NCALD: variants seen among roughly 807,000 people sequenced by gnomAD.
NCALD encodes the protein neurocalcin delta.
NCALD carries 10 observed loss-of-function variants against 18.6 expected under a neutral mutation model. The ratio of observed to expected loss-of-function variants is 0.54; its 90% confidence interval spans 0.33 to 0.91. The LOEUF is 0.91. NCALD is among the 40% of genes least tolerant of loss of function. NCALD has a pLI of 0.03. For missense variants in NCALD, 184 were observed against 247.6 expected, an observed-to-expected ratio of 0.74 and a Z score of 1.72; for synonymous variants, 88 against 87.4, an observed-to-expected ratio of 1.01 and a Z score of -0.04.
chr8:101,732,484 C>T (rs938675136), intron 1 of NCALD, among the ~76,000 whole-genome samples: 1 of 151,764 alleles, frequency 6.6e-6, no homozygotes, highest in South Asian at 2.1e-4. Context: ...TCTACAGCTT[C>T]CTGGTTTAGA....
chr8:102,118,773 C>A (rs1053233606), intron 1 of NCALD, among the ~76,000 whole-genome samples: 1 of 151,946 alleles, frequency 6.6e-6, no homozygotes, highest in Admixed American at 6.6e-5. Context: ...ACCTTCCGAT[C>A]ATGCCATTAT....
chr8:102,064,384 A>G (rs1823938801), intron 1 of NCALD, among the ~76,000 whole-genome samples: 1 of 152,178 alleles, frequency 6.6e-6, no homozygotes, highest in African/African-American at 2.4e-5. Flanking sequence ...ACCCAGCCCC[A>G]TGTCCCTGAA....
chr8:101,805,576 C>A (rs1363138161), intron 4 of NCALD, among the ~76,000 whole-genome samples: 1 of 152,164 alleles, frequency 6.6e-6, no homozygotes, highest in Non-Finnish European at 1.5e-5. Context: ...CTGCCTCATG[C>A]CTAAAGCAGT....
chr8:101,832,720 TATAA>T (rs1393246608), intron 4 of NCALD, among the ~76,000 whole-genome samples: 35 of 152,352 alleles, frequency 2.3e-4, no homozygotes, highest in Middle Eastern at 3.4e-3. Flanking sequence ...TATTTCCTCA[TATAA>T]ATAGTGAAAA....
chr8:101,868,124 G>C (rs575307751), intron 4 of NCALD, among the ~76,000 whole-genome samples: 1 of 152,240 alleles, frequency 6.6e-6, no homozygotes, highest in South Asian at 2.1e-4. Flanking sequence ...CCACCTCCAG[G>C]CATTCAATCA....
At chr8:102,036,453 A>T (rs1382056197) in intron 1 of NCALD, among the ~76,000 whole-genome samples, 1 of 152,088 alleles carries the variant, frequency 6.6e-6, no homozygotes, top group Non-Finnish European at 1.5e-5. Context: ...ATACACATCT[A>T]GTTTGCAATC....
At chr8:101,912,179 T>C (rs1817824369) in intron 3 of NCALD, among the ~76,000 whole-genome samples, 2 of 151,894 alleles carry the variant, frequency 1.3e-5, no homozygotes, top group East Asian at 1.9e-4. Context: ...ACAAACATCA[T>C]GTAAAATATA....
At chr8:101,781,639 A>G (rs951596180) in intron 1 of NCALD, among the ~76,000 whole-genome samples, 2 of 152,214 alleles carry the variant, frequency 1.3e-5, no homozygotes, top group Non-Finnish European at 2.9e-5. Context: ...TAAAAAACAT[A>G]TCACCGATTC....
chr8:101,784,269 G>A (rs1410745705), intron 1 of NCALD, among the ~76,000 whole-genome samples: 1 of 152,042 alleles, frequency 6.6e-6, no homozygotes, highest in Non-Finnish European at 1.5e-5. Context: ...ACCTACTCTT[G>A]GCCTCTCTAT....
chr8:102,085,640 C>A (rs1238879019), intron 1 of NCALD, among the ~76,000 whole-genome samples: 2 of 152,034 alleles, frequency 1.3e-5, no homozygotes, highest in Non-Finnish European at 2.9e-5. Flanking sequence ...GCCTGTAATC[C>A]CAGCTATTCA....
At chr8:102,045,665 C>G (rs1823212250) in intron 1 of NCALD, among the ~76,000 whole-genome samples, 5 of 152,008 alleles carry the variant, frequency 3.3e-5, no homozygotes, top group Admixed American at 1.3e-4. Context: ...CCACGGAGAA[C>G]AAAAAAATTC....
chr8:101,990,451 C>T (rs567322938), intron 2 of NCALD, among the ~76,000 whole-genome samples: 63 of 152,314 alleles, frequency 4.1e-4, no homozygotes, highest in Admixed American at 3.7e-3. Context: ...CCAGTGTCCC[C>T]ACCCAAATCT....
At chr8:102,026,881 A>G (rs943110529) in intron 1 of NCALD, among the ~76,000 whole-genome samples, 1 of 152,144 alleles carries the variant, frequency 6.6e-6, no homozygotes, top group South Asian at 2.1e-4. Context: ...CCAAACCACA[A>G]TTCTTGACTT....
chr8:101,880,305 T>TGAGCCC (rs1484841524), intron 4 of NCALD, among the ~76,000 whole-genome samples: 1 of 152,140 alleles, frequency 6.6e-6, no homozygotes, highest in Non-Finnish European at 1.5e-5. Flanking sequence ...CGGGGCCCAC[T>TGAGCCC]GAGCCCGAGC....
At chr8:101,753,956 T>G (rs191293947) in intron 1 of NCALD, among the ~76,000 whole-genome samples, 1 of 152,194 alleles carries the variant, frequency 6.6e-6, no homozygotes, top group Non-Finnish European at 1.5e-5. Flanking sequence ...GTTGACAGCA[T>G]CCTAATAAAT....
intron 1 of NCALD, chr8:102,070,095 G>C (rs1177518882): frequency 2.0e-5 from 3 of 150,932 alleles, no homozygotes; most frequent in East Asian, 1.9e-4. Context: ...GCGTGGGTGA[G>C]AGAGCCAGAC....
At chr8:101,966,030 A>T (rs180969440) in intron 2 of NCALD, among the ~76,000 whole-genome samples, 2 of 152,252 alleles carry the variant, frequency 1.3e-5, no homozygotes, top group East Asian at 3.8e-4. Flanking sequence ...TGCCATGATT[A>T]TGACGAAGAG....
chr8:101,904,222 G>A (rs889557091), intron 3 of NCALD, among the ~76,000 whole-genome samples: 3 of 152,138 alleles, frequency 2.0e-5, no homozygotes, highest in Non-Finnish European at 4.4e-5. Flanking sequence ...TGAATTATAA[G>A]CACCTTTGAG....
intron 4 of NCALD, among the ~76,000 whole-genome samples, chr8:101,851,966 G>A (rs752965860): frequency 2.0e-5 from 3 of 152,118 alleles, no homozygotes; most frequent in Non-Finnish European, 4.4e-5. Context: ...ACTGGATGAA[G>A]GGTACATTCT....
Sources: allele counts gnomAD v4.1 joint callset (sites outside exome capture counted in the v4.1 genomes callset), GRCh38; gene constraint gnomAD v4.1.1; transcripts MANE v1.5; gene names NCBI Gene and HGNC (gene_info 2026-07-23, HGNC 2026-07-21).